Variants in PDGFD observed in about 807,000 individuals in gnomAD.
The protein encoded by PDGFD is platelet derived growth factor D.
A neutral mutation model predicts 44.7 loss-of-function variants in PDGFD; 30 were observed. The observed-to-expected ratio is 0.67, with a 90% CI of 0.50 to 0.91. The LOEUF is 0.91. PDGFD is among the 40% of genes least tolerant of loss of function. The pLI is 0.00. For synonymous variants in PDGFD, 173 were observed against 168.4 expected (o/e 1.03, Z -0.21); for missense variants, 445 against 457.8 (o/e 0.97, Z 0.25).
intron 3 of PDGFD, among the ~76,000 whole-genome samples, chr11:103,965,193 G>C (rs1372151459): frequency 6.6e-6 from 1 of 152,118 alleles, no homozygotes; most frequent in Admixed American, 6.6e-5. Context: ...TGAGAAGCCA[G>C]GGGAAACTTA....
chr11:103,962,121 G>A (rs539233202), intron 3 of PDGFD, among the ~76,000 whole-genome samples: 3 of 152,206 alleles, frequency 2.0e-5, no homozygotes, highest in Non-Finnish European at 2.9e-5. Context: ...CAAGGAATTC[G>A]GTGCCGTTGG....
chr11:103,945,378 T>C (rs1175556116), intron 4 of PDGFD, among the ~76,000 whole-genome samples: 1 of 152,144 alleles, frequency 6.6e-6, no homozygotes, highest in African/African-American at 2.4e-5. Flanking sequence ...TGAGGTCACA[T>C]GCTAGAGGTG....
chr11:104,036,876 T>C (rs1191022266), intron 1 of PDGFD: 7 of 1,613,974 alleles, frequency 4.3e-6, no homozygotes, highest in Non-Finnish European at 5.9e-6. Context: ...TCACCTTCTC[T>C]CTCCAGGTCA....
intron 1 of PDGFD, among the ~76,000 whole-genome samples, chr11:104,096,250 A>C (rs1369830072): frequency 2.0e-5 from 3 of 151,784 alleles, no homozygotes; most frequent in Non-Finnish European, 2.9e-5. Context: ...GCAAAAAAAA[A>C]CTACAAAAAA....
intron 1 of PDGFD, among the ~76,000 whole-genome samples, chr11:104,161,845 A>G (rs1016859651): frequency 9.9e-5 from 15 of 152,274 alleles, no homozygotes; most frequent in Middle Eastern, 6.8e-3. Flanking sequence ...TACTCTATAT[A>G]AAACAAATTT....
intron 1 of PDGFD, among the ~76,000 whole-genome samples, chr11:104,160,461 A>C (rs936612633): frequency 6.6e-6 from 1 of 152,242 alleles, no homozygotes; most frequent in Admixed American, 6.5e-5. Context: ...CACACTGAGC[A>C]ACACTTAGTT....
chr11:104,152,231 T>C (rs1454677698), intron 1 of PDGFD, among the ~76,000 whole-genome samples: 2 of 152,210 alleles, frequency 1.3e-5, no homozygotes, highest in Non-Finnish European at 2.9e-5. Context: ...TCCCAACATA[T>C]ACTGTACTTA....
chr11:104,120,252 G>C (rs1451952337), intron 1 of PDGFD, among the ~76,000 whole-genome samples: 11 of 151,540 alleles, frequency 7.3e-5, no homozygotes, highest in African/African-American at 2.7e-4. Flanking sequence ...TGGCTAAATT[G>C]TTGCAATTGG....
intron 1 of PDGFD, among the ~76,000 whole-genome samples, chr11:104,099,266 A>T (rs1861333221): frequency 6.6e-6 from 1 of 152,184 alleles, no homozygotes. Flanking sequence ...TCACAATAAA[A>T]GTTTCAAAGT....
rs973916244 is a variant in PDGFD, at chr11:103,994,750, A to C, written c.510+1315T>G. ...AATTGATCCTAAAAGGCAATATGCT[A>C]CAAACAACTGAAGGATTCTGGGATA... On this transcript the variant is annotated intron_variant, in intron 3 of 6. Transcript: ENST00000393158. Among the ~76,000 whole-genome samples the C allele has an allele frequency of 2.0e-5, 3 of 152,214 alleles. 1 individual carries two copies. The highest frequency in any genetic ancestry group is 2.0e-4 in the Admixed American group (3 of 15,280).
chr11:104,056,702 C>T (rs1379296288), intron 1 of PDGFD, among the ~76,000 whole-genome samples: 1 of 152,164 alleles, frequency 6.6e-6, no homozygotes, highest in African/African-American at 2.4e-5. Flanking sequence ...TCAAAAATTA[C>T]ATTTTAAGAC....
intron 6 of PDGFD, among the ~76,000 whole-genome samples, chr11:103,925,008 C>CT (rs1858283628): frequency 1.3e-5 from 2 of 152,042 alleles, no homozygotes; most frequent in Admixed American, 1.3e-4. Context: ...GTTCCCTTCC[C>CT]TGTGTCCCTG....
chr11:103,929,531 G>T (rs942792823), intron 5 of PDGFD, among the ~76,000 whole-genome samples: 2 of 152,148 alleles, frequency 1.3e-5, no homozygotes, highest in Non-Finnish European at 2.9e-5. Context: ...TCTTTGACTA[G>T]CATTGGTTAC....
chr11:103,963,052 C>T (rs1400244012), intron 3 of PDGFD, among the ~76,000 whole-genome samples: 1 of 152,086 alleles, frequency 6.6e-6, no homozygotes, highest in Non-Finnish European at 1.5e-5. Context: ...ATATTCTTAT[C>T]TGAAAATTGA....
At chr11:103,965,753 A>G (rs1445852486) in intron 3 of PDGFD, among the ~76,000 whole-genome samples, 1 of 152,142 alleles carries the variant, frequency 6.6e-6, no homozygotes, top group Non-Finnish European at 1.5e-5. Flanking sequence ...GAGAGGTCCT[A>G]TCATTCTGAC....
chr11:104,015,690 A>C (rs1250628845), intron 1 of PDGFD, among the ~76,000 whole-genome samples: 2 of 152,218 alleles, frequency 1.3e-5, no homozygotes, highest in Admixed American at 6.5e-5. Context: ...AAACTGAATA[A>C]ATTAAAAAGC....
At chr11:103,975,593 T>G (rs1859171464) in intron 3 of PDGFD, among the ~76,000 whole-genome samples, 1 of 152,190 alleles carries the variant, frequency 6.6e-6, no homozygotes, top group Non-Finnish European at 1.5e-5. Flanking sequence ...TGGTATTGCC[T>G]AGGTTTTCTT....
In PDGFD at chr11:104,118,618, A is replaced by C. The variant is rs144431352; in HGVS notation, c.124+45186T>G. Reference sequence around the variant, plus strand: ...TCCTTGCCTTGCTCTTCATTTTAGTAAGCAAGTGTCTAATCATTGATATCC... The same window carrying C: ...TCCTTGCCTTGCTCTTCATTTTAGTCAGCAAGTGTCTAATCATTGATATCC... On this transcript the variant is annotated intron_variant, in intron 1 of 6. Transcript: ENST00000393158. Among the ~76,000 whole-genome samples the C allele has an allele frequency of 7.0e-3, 1,048 of 149,468 alleles. 7 individuals are homozygous for C. The highest frequency in any genetic ancestry group is 0.023 in the African/African-American group (939 of 40,578).
At chr11:104,023,171 CA>C (rs1300228147) in intron 1 of PDGFD, among the ~76,000 whole-genome samples, 10 of 152,022 alleles carry the variant, frequency 6.6e-5, no homozygotes, top group Admixed American at 5.9e-4. Context: ...AGTATCTCCT[CA>C]AAAAACATAT....
Sources: gnomAD v4.1 joint callset for allele counts (sites outside exome capture counted in the v4.1 genomes callset) on GRCh38, gnomAD v4.1.1 for gene constraint, MANE v1.5 for transcripts, NCBI Gene and HGNC (gene_info 2026-07-23, HGNC 2026-07-21) for gene names.